EPAS1: variants seen among roughly 807,000 people sequenced by gnomAD.
EPAS1 encodes the protein endothelial PAS domain-containing protein 1.
EPAS1 carries 23 observed loss-of-function variants against 87.9 expected under a neutral mutation model. The ratio of observed to expected loss-of-function variants is 0.26; its 90% CI spans 0.19 to 0.37. The LOEUF is 0.37. Ranked by LOEUF, EPAS1 falls within the 10% of genes least tolerant of loss-of-function variation. The pLI is 1.00. For missense variants in EPAS1, 1,138 were observed against 1,120.7 expected (o/e 1.02, Z -0.22); for synonymous variants, 508 against 444.3 (o/e 1.14, Z -1.80).
intron 1 of EPAS1, among the ~76,000 whole-genome samples, chr2:46,339,077 C>T (rs1683855919): frequency 6.6e-6 from 1 of 152,112 alleles, no homozygotes; most frequent in African/African-American, 2.4e-5. Context: ...TAACGAAAAG[C>T]AATAAGGGAA....
At chr2:46,298,858 C>G (rs1016169360) in intron 1 of EPAS1, among the ~76,000 whole-genome samples, 1 of 152,240 alleles carries the variant, frequency 6.6e-6, no homozygotes, top group African/African-American at 2.4e-5. Flanking sequence ...CAGGCAGGGC[C>G]TCAACTTCTG....
In EPAS1 at chr2:46,300,037, C is replaced by CA. The variant is rs1291199869; in HGVS notation, c.26+2103dup. On this transcript the variant is annotated intron_variant, in intron 1 of 15. Transcript: ENST00000263734. This position sits in a 1 kb window ranked among gnomAD's most constrained non-coding sequence, Gnocchi z 4.1. Reference sequence around the variant, plus strand: ...ATTTTTGTGCTGCAGAATGGCAGGGCAAACAGCGTGTCCTTCACCATCTAG... The same window carrying CA: ...ATTTTTGTGCTGCAGAATGGCAGGGCAAAACAGCGTGTCCTTCACCATCTAG... Among the ~76,000 whole-genome samples, 2 of 152,220 alleles carry CA rather than the reference C, an allele frequency of 1.3e-5. No homozygotes were observed. The highest frequency in any genetic ancestry group is 2.9e-5 in the Non-Finnish European group (2 of 68,044).
At position 46,380,092 on chromosome 2, in the gene EPAS1, G is replaced by C; in HGVS notation, c.1555-135G>C. On this transcript the variant is annotated intron_variant, in intron 11 of 15. Transcript: ENST00000263734. The surrounding 1 kb of genome is among the most constrained non-coding windows in gnomAD (Gnocchi z 4.4). ...CTGAGGTTTTCCTGATAGGCCCTCG[G>C]GAGCCAGTGGAGGCGTTTGAGCAGC... The C allele has an allele frequency of 6.9e-7, 1 of 1,441,460 alleles. No homozygotes were observed. The allele number at this position is 1,441,460 out of a possible 1,614,324, so 89.3% of individuals were successfully genotyped here. A position where few individuals can be genotyped will look rare whatever the true frequency, so the allele number is the denominator to read the frequency against.
intron 1 of EPAS1, among the ~76,000 whole-genome samples, chr2:46,340,417 A>T (rs1683888393): frequency 6.6e-6 from 1 of 152,174 alleles, no homozygotes; most frequent in African/African-American, 2.4e-5. Context: ...AGGCTGAGGT[A>T]TGAGATGCTT....
chr2:46,344,164 A>G (rs1032387583), intron 1 of EPAS1, among the ~76,000 whole-genome samples: 8 of 152,238 alleles, frequency 5.3e-5, no homozygotes, highest in South Asian at 2.1e-4. Context: ...CTAATATATG[A>G]AAGGTTTTTG....
chr2:46,358,148 C>T (rs898606896), intron 4 of EPAS1, among the ~76,000 whole-genome samples: 1 of 152,218 alleles, frequency 6.6e-6, no homozygotes, highest in African/African-American at 2.4e-5. Context: ...ACAGACACTT[C>T]ATTGGCTCAC....
At chr2:46,305,878 G>A (rs747435771) in intron 1 of EPAS1, among the ~76,000 whole-genome samples, 1 of 152,192 alleles carries the variant, frequency 6.6e-6, no homozygotes, top group African/African-American at 2.4e-5. Flanking sequence ...GGTGCTGAAG[G>A]TAACCCCCAT....
intron 1 of EPAS1, among the ~76,000 whole-genome samples, chr2:46,334,633 G>A (rs934819533): frequency 6.6e-6 from 1 of 152,150 alleles, no homozygotes; most frequent in Admixed American, 6.5e-5. Context: ...CCTGAGGTCA[G>A]GCATAGTTGT....
intron 1 of EPAS1, among the ~76,000 whole-genome samples, chr2:46,322,810 C>T (rs983183628): frequency 3.3e-5 from 5 of 152,178 alleles, no homozygotes. Context: ...CTGTGCTTCC[C>T]TCACTTAGTC....
chr2:46,340,806 C>T (rs897689831), intron 1 of EPAS1, among the ~76,000 whole-genome samples: 1 of 152,162 alleles, frequency 6.6e-6, no homozygotes, highest in Non-Finnish European at 1.5e-5. Flanking sequence ...TCACTGCAGC[C>T]TCGAGCTCCC....
rs1007696290 is a variant in EPAS1, at chr2:46,298,835, G to A, written c.26+898G>A. On this transcript the variant is annotated intron_variant, in intron 1 of 15. Transcript: ENST00000263734. ...GAGCGAGGGTTCGAGCCCTCTGCGC[G>A]GCCGCGCAGAAGCAGGCAGGGCCTC... Among the ~76,000 whole-genome samples the A allele has an allele frequency of 4.6e-5, 7 of 152,212 alleles. 1 individual carries two copies. The highest frequency in any genetic ancestry group is 1.4e-4 in the African/African-American group (6 of 41,472).
chr2:46,345,582 T>TATAATA (rs148653808), intron 1 of EPAS1, among the ~76,000 whole-genome samples: 1 of 151,446 alleles, frequency 6.6e-6, no homozygotes, highest in Non-Finnish European at 1.5e-5. Context: ...GTAAATTAGG[T>TATAATA]ATAATAATAA....
chr2:46,331,504 A>G (rs1683672176), intron 1 of EPAS1, among the ~76,000 whole-genome samples: 1 of 152,186 alleles, frequency 6.6e-6, no homozygotes, highest in Non-Finnish European at 1.5e-5. Flanking sequence ...ACTGCTTTAG[A>G]TCTTTCCTCT....
At chr2:46,381,888 C>T in intron 13 of EPAS1, 87 bp from the exon 14 acceptor site, 1 of 1,523,096 alleles carries the variant, frequency 6.6e-7, no homozygotes, top group South Asian at 1.2e-5. Context: ...CAAGTGCCAG[C>T]CCTGTTCCAG....
intron 7 of EPAS1, among the ~76,000 whole-genome samples, chr2:46,374,989 G>A (rs986057555): frequency 6.6e-6 from 1 of 152,126 alleles, no homozygotes; most frequent in African/African-American, 2.4e-5. Context: ...TGTGTGGGCT[G>A]CCAGGGTCCC....
intron 6 of EPAS1, among the ~76,000 whole-genome samples, chr2:46,366,175 C>T (rs1572641368): frequency 6.6e-6 from 1 of 152,238 alleles, no homozygotes; most frequent in Non-Finnish European, 1.5e-5. Flanking sequence ...GGAAGAAGAG[C>T]GAGCCTTCTC....
chr2:46,345,907 T>C (rs1684014839), intron 1 of EPAS1, among the ~76,000 whole-genome samples: 1 of 152,228 alleles, frequency 6.6e-6, no homozygotes, highest in African/African-American at 2.4e-5. Context: ...TTTACATAAA[T>C]TATCACATTT....
intron 2 of EPAS1, among the ~76,000 whole-genome samples, chr2:46,354,593 C>G (rs7586141): frequency 0.6 from 89,491 of 149,470 alleles, 27,534 homozygotes; most frequent in East Asian, 0.88. Flanking sequence ...TGGGTGGTTC[C>G]GGGTGGAAGT....
chr2:46,299,042 G>T (rs746615083), intron 1 of EPAS1, among the ~76,000 whole-genome samples: 1 of 152,236 alleles, frequency 6.6e-6, no homozygotes, highest in Non-Finnish European at 1.5e-5. Flanking sequence ...GGAAACCAGC[G>T]GCGGAGCGGC....
Sources: allele counts gnomAD v4.1 joint callset (sites outside exome capture counted in the v4.1 genomes callset), GRCh38; gene constraint gnomAD v4.1.1; non-coding constraint Gnocchi (gnomAD v3.1); transcripts MANE v1.5; gene names NCBI Gene and HGNC (gene_info 2026-07-23, HGNC 2026-07-21).